Variants in NR1I2 observed in about 807,000 individuals in gnomAD.
NR1I2 encodes orphan nuclear receptor PAR1.
NR1I2 carries 42 observed loss-of-function variants against 43.3 expected under a neutral mutation model. The ratio of observed to expected loss-of-function variants is 0.97; its 90% CI spans 0.76 to 1.26. The LOEUF (loss-of-function observed/expected upper bound fraction) is 1.26, where lower values mean the gene tolerates loss of function less well. Ranked by LOEUF, NR1I2 falls within the 50% of genes most tolerant of loss-of-function variation. The pLI, the probability that NR1I2 is intolerant of heterozygous loss-of-function variation, is 0.00. For synonymous variants in NR1I2, 229 were observed against 215.0 expected (o/e 1.06, Z -0.57); for missense variants, 559 against 566.7 (o/e 0.99, Z 0.14).
intron 1 of NR1I2, chr3:119,792,022 A>G (rs2054926946): frequency 1.4e-6 from 1 of 714,470 alleles, no homozygotes; most frequent in Non-Finnish European, 2.6e-6. Context: ...ATTATCTTTG[A>G]CCACCGTTCT....
At chr3:119,792,891 CA>C (rs769890802) in intron 1 of NR1I2, among the ~76,000 whole-genome samples, 7 of 150,150 alleles carry the variant, frequency 4.7e-5, no homozygotes, top group East Asian at 3.9e-4. Flanking sequence ...AAAAAACAAA[CA>C]AAAAAAAAGA....
rs2055217737 is a variant in NR1I2, at chr3:119,810,135, G to A, written c.272G>A (p.Arg91Gln). ...GCCTGCGAGATCACCCGGAAGACCC[G>A]GCGACAGTGCCAGGCCTGCCGCCTG... The change falls in exon 3 of 9, where the codon CGG (arginine) becomes CAG (glutamine). Residue 91 changes from arginine to glutamine, a missense_variant. Coordinates refer to ENST00000393716, the MANE Select transcript of NR1I2 (RefSeq NM_003889.4). 1 of 1,613,332 alleles carries A rather than the reference G, an allele frequency of 6.2e-7. No homozygotes were observed. Among genetic ancestry groups the A allele is most frequent in the Non-Finnish European group, 8.5e-7 (1 of 1,179,846 alleles).
intron 1 of NR1I2, among the ~76,000 whole-genome samples, chr3:119,795,548 C>T (rs1412798943): frequency 6.6e-6 from 1 of 152,172 alleles, no homozygotes; most frequent in Non-Finnish European, 1.5e-5. Flanking sequence ...CTGGGCTCCC[C>T]GTTAATCTGC....
intron 1 of NR1I2, among the ~76,000 whole-genome samples, chr3:119,806,650 A>G (rs7643645): frequency 0.31 from 47,364 of 151,988 alleles, 8,747 homozygotes; most frequent in Admixed American, 0.46. Context: ...CTGGGACCAC[A>G]GGCCATTTTT....
rs1180303393 is a variant in NR1I2 at position 119,807,452 on chromosome 3, A to G, written c.197+5A>G. On this transcript the variant is annotated splice_donor_5th_base_variant and intron_variant, in intron 2 of 8. Transcript: ENST00000393716. Reference sequence around the variant, plus strand: ...AGGATGCAAGGGCTTTTTCAGGTAGAGTTACCCATCAGCCTTCACCCACGT... The same window carrying G: ...AGGATGCAAGGGCTTTTTCAGGTAGGGTTACCCATCAGCCTTCACCCACGT... 1 of 1,612,558 alleles carries G rather than the reference A, an allele frequency of 6.2e-7. No homozygotes were observed. Among genetic ancestry groups the G allele is most frequent in the East Asian group, 2.2e-5 (1 of 44,896 alleles).
At chr3:119,815,964 A>G (rs535464860) in intron 8 of NR1I2, 133 bp downstream of exon 8, 2 of 735,392 alleles carry the variant, frequency 2.7e-6, no homozygotes, top group Non-Finnish European at 4.8e-6. Flanking sequence ...CAAAGCTCAC[A>G]CTTTTGAGCA....
rs138919169 is a variant in NR1I2 at position 119,795,697 on chromosome 3, C to T, written c.-22-11532C>T. On this transcript the variant is annotated intron_variant, in intron 1 of 8. Coordinates refer to ENST00000393716, the MANE Select transcript of NR1I2 (RefSeq NM_003889.4). ...CTAAACTACAATCCCCCCATTCTCA[C>T]TGCCTTAGTTTTCCCTCTCTCTGTG... 1.9e-3 allele frequency among the ~76,000 whole-genome samples: 297 copies of T among 152,346 alleles called. 2 individuals are homozygous for T. The highest frequency in any genetic ancestry group is 5.8e-3 in the African/African-American group (240 of 41,578).
At chr3:119,782,693 C>T in intron 1 of NR1I2, 1 of 1,198,540 alleles carries the variant, frequency 8.3e-7, no homozygotes, top group Non-Finnish European at 1.2e-6. Context: ...GGGATCAACT[C>T]AGTCCTGATT....
intron 1 of NR1I2, among the ~76,000 whole-genome samples, chr3:119,788,918 C>T (rs1331646175): frequency 6.6e-6 from 1 of 152,184 alleles, no homozygotes; most frequent in Non-Finnish European, 1.5e-5. Context: ...GCTACTACTG[C>T]AAGTGTGGAC....
chr3:119,810,820 C>A (rs1428106584), intron 3 of NR1I2, among the ~76,000 whole-genome samples: 1 of 152,170 alleles, frequency 6.6e-6, no homozygotes, highest in African/African-American at 2.4e-5. Context: ...AGGACAAGTT[C>A]TCTAGGCTGC....
At position 119,817,412 on chromosome 3, in the gene NR1I2, G is replaced by T. The variant is rs987030087; in HGVS notation, c.*200G>T. 1.3e-5 allele frequency: 19 copies of T among 1,447,758 alleles called. No homozygotes were observed. Among genetic ancestry groups the T allele is most frequent in the Non-Finnish European group, 1.6e-5 (18 of 1,100,414 alleles). 89.7% of individuals were successfully genotyped at this position (1,447,758 alleles called of 1,614,324 possible). On this transcript the variant is annotated 3_prime_UTR_variant, in exon 9 of 9. Transcript: ENST00000393716. ...GTGCCCCCCACCCCCAGTTCAGTCTGTAGGGAGTGAAGCCACAGACTCTTA... is the reference window on the plus strand; with the variant it reads ...GTGCCCCCCACCCCCAGTTCAGTCTTTAGGGAGTGAAGCCACAGACTCTTA...
chr3:119,812,581 G>C, intron 4 of NR1I2, 105 bp from the exon 5 acceptor site: 1 of 1,313,572 alleles, frequency 7.6e-7, no homozygotes, highest in Non-Finnish European at 1.1e-6. Context: ...GCATCCTCTC[G>C]AGCTGCAACT....
chr3:119,783,435 T>G (rs536583820), intron 1 of NR1I2, among the ~76,000 whole-genome samples: 7 of 152,244 alleles, frequency 4.6e-5, no homozygotes, highest in Non-Finnish European at 8.8e-5. Flanking sequence ...TATAGCTGAT[T>G]CATTGAGTCA....
intron 8 of NR1I2, 77 bp from the exon 9 acceptor site, chr3:119,816,991 T>A: frequency 6.4e-7 from 1 of 1,574,106 alleles, no homozygotes; most frequent in Non-Finnish European, 8.7e-7. Flanking sequence ...ATTATGCTTG[T>A]GCAGCCTCAG....
At chr3:119,798,819 T>C (rs2055037088) in intron 1 of NR1I2, among the ~76,000 whole-genome samples, 1 of 152,186 alleles carries the variant, frequency 6.6e-6, no homozygotes, top group South Asian at 2.1e-4. Context: ...TATACTTCTT[T>C]CACTTAGAAT....
chr3:119,791,375 A>G (rs2054916373), intron 1 of NR1I2, among the ~76,000 whole-genome samples: 1 of 152,180 alleles, frequency 6.6e-6, no homozygotes, highest in Non-Finnish European at 1.5e-5. Flanking sequence ...CTCCTGTACA[A>G]GGAGAGGTGG....
chr3:119,804,153 C>T (rs1457013938), intron 1 of NR1I2, among the ~76,000 whole-genome samples: 7 of 151,146 alleles, frequency 4.6e-5, no homozygotes, highest in Admixed American at 3.3e-4. Context: ...GGGCAGATAA[C>T]GAGGTCAGGA....
At chr3:119,804,167 C>T (rs62264683) in intron 1 of NR1I2, among the ~76,000 whole-genome samples, 2 of 150,542 alleles carry the variant, frequency 1.3e-5, no homozygotes, top group Non-Finnish European at 1.5e-5. Flanking sequence ...GTCAGGAGAT[C>T]GAGACCATCC....
In NR1I2 at chr3:119,817,758, C is replaced by T; in HGVS notation, c.*546C>T. The T allele has an allele frequency of 2.0e-6, 2 of 1,010,126 alleles. No homozygotes were observed. Among genetic ancestry groups the T allele is most frequent in the South Asian group, 4.2e-5 (1 of 24,074 alleles). 62.6% of individuals were successfully genotyped at this position (1,010,126 alleles called of 1,614,324 possible). A position where few individuals can be genotyped will look rare whatever the true frequency, so the allele number is the denominator to read the frequency against. ...GCGCATGAGTATCTGTGGGAGTCCT[C>T]TAGAGAGATGAGAAGCCAGGAGGCC... On this transcript the variant is annotated 3_prime_UTR_variant, in exon 9 of 9. Coordinates refer to ENST00000393716, the MANE Select transcript of NR1I2 (RefSeq NM_003889.4).
Sources: gnomAD v4.1 joint callset for allele counts (sites outside exome capture counted in the v4.1 genomes callset) on GRCh38, gnomAD v4.1.1 for gene constraint, MANE v1.5 for transcripts, NCBI Gene and HGNC (gene_info 2026-07-23, HGNC 2026-07-21) for gene names.